WFDC10A: variants seen among roughly 807,000 people sequenced by gnomAD.
WFDC10A encodes WAP four-disulfide core domain protein 10A.
In WFDC10A, 2 loss-of-function variants were observed where a neutral mutation model predicts 2.6. That is an observed-to-expected ratio of 0.76 (90% CI 0.31 to 2.40). The LOEUF (loss-of-function observed/expected upper bound fraction) is 2.40, where lower values mean the gene tolerates loss of function less well. Among genes scored for constraint, WFDC10A ranks in the 30% most tolerant of loss-of-function variants. The pLI is 0.12. For missense variants in WFDC10A, 84 were observed against 91.8 expected (o/e 0.92, Z 0.35); for synonymous variants, 36 against 36.3 (o/e 0.99, Z 0.03).
intron 1 of WFDC10A, 131 bp from the exon 2 acceptor site, chr20:45,630,739 A>C (rs1982342597): frequency 9.9e-7 from 1 of 1,005,516 alleles, no homozygotes; most frequent in Non-Finnish European, 1.4e-6. Context: ...GCAGGAAGGT[A>C]GTTCTATGAA....
chr20:45,629,944 T>C, intron 1 of WFDC10A, 40 bp downstream of exon 1: 3 of 1,569,636 alleles, frequency 1.9e-6, no homozygotes, highest in Non-Finnish European at 2.6e-6. Flanking sequence ...GGGAATTGGG[T>C]AGGGGGAATG....
At chr20:45,629,975 A>T in intron 1 of WFDC10A, 71 bp downstream of exon 1, 1 of 1,571,130 alleles carries the variant, frequency 6.4e-7, no homozygotes, top group Non-Finnish European at 8.6e-7. Flanking sequence ...GTCCAGTCTG[A>T]GTAGGACCTA....
chr20:45,631,134 C>A lies in WFDC10A; in HGVS notation c.*116C>A. 3.3e-6 allele frequency: 4 copies of A among 1,227,452 alleles called. No homozygotes were observed. The highest frequency in any genetic ancestry group is 4.4e-6 in the Non-Finnish European group (4 of 913,456). 76.0% of individuals were successfully genotyped at this position (1,227,452 alleles called of 1,614,324 possible). Reference sequence around the variant, plus strand: ...CAGCATAAGAACATCAACAGGAATGCCGCCCTCTCTACTGTCTGAACCCCT... The same window carrying A: ...CAGCATAAGAACATCAACAGGAATGACGCCCTCTCTACTGTCTGAACCCCT... On this transcript the variant is annotated 3_prime_UTR_variant, in exon 2 of 2. Transcript: ENST00000372643.
Position 45,629,750 on chromosome 20 carries a change from A to G in WFDC10A, c.-64A>G. ...TCTTTCCTTCCTTCACTCTCCGTAGACAGCTCTGCAGGGAAGTCTGTGACA... is the reference window on the plus strand; with the variant it reads ...TCTTTCCTTCCTTCACTCTCCGTAGGCAGCTCTGCAGGGAAGTCTGTGACA... On this transcript the variant is annotated 5_prime_UTR_variant, in exon 1 of 2. Coordinates refer to ENST00000372643, the MANE Select transcript of WFDC10A (RefSeq NM_080753.3). 6.4e-7 allele frequency: 1 copy of G among 1,569,696 alleles called. No individual in the cohort carries two copies. Among genetic ancestry groups the G allele is most frequent in the Non-Finnish European group, 8.7e-7 (1 of 1,152,992 alleles).
Position 45,630,203 on chromosome 20 carries a change from A to C in WFDC10A, c.91+299A>C, listed in dbSNP as rs1982324609. 2.0e-5 allele frequency among the ~76,000 whole-genome samples: 3 copies of C among 151,366 alleles called. No individual in the cohort carries two copies. The South Asian group carries it at 6.3e-4, about 32-fold the overall frequency. On this transcript the variant is annotated intron_variant, in intron 1 of 1. Transcript: ENST00000372643. ...ACCAGGGCTGAGAATCCAGTGGGGA[A>C]AGCAAGACAATTATTATTTGATTTA...
At position 45,630,872 on chromosome 20, in the gene WFDC10A, ACACAGCTATCCC is replaced by A. The variant is rs768374638; in HGVS notation, c.97_108del (p.Gln33_Pro36del). The A allele has an allele frequency of 6.3e-7, 1 of 1,596,236 alleles. No individual in the cohort carries two copies. Among genetic ancestry groups the A allele is most frequent in the South Asian group, 1.1e-5 (1 of 88,334 alleles). On this transcript the variant is annotated inframe_deletion, in exon 2 of 2. Coordinates refer to ENST00000372643, the MANE Select transcript of WFDC10A (RefSeq NM_080753.3). ...TACCGTTCTATTCTCCTTGTCAGAA[ACACAGCTATCCC>A]CAGAAATCAAAGTCTGCCAGCAGCA...
intron 1 of WFDC10A, among the ~76,000 whole-genome samples, chr20:45,630,115 G>A (rs1982322359): frequency 6.6e-6 from 1 of 152,182 alleles, no homozygotes; most frequent in Admixed American, 6.5e-5. Context: ...GAAGAAACCT[G>A]CATATTTTGC....
chr20:45,630,595 T>C (rs1982339399), intron 1 of WFDC10A, among the ~76,000 whole-genome samples: 1 of 152,054 alleles, frequency 6.6e-6, no homozygotes, highest in African/African-American at 2.4e-5. Context: ...CCATGACTAG[T>C]AAGGGAGATG....
At position 45,631,057 on chromosome 20, in the gene WFDC10A, C is replaced by A. The variant is rs370860448; in HGVS notation, c.*39C>A. 9 of 1,559,850 alleles carry A rather than the reference C, an allele frequency of 5.8e-6. No homozygotes were observed. Among genetic ancestry groups the A allele is most frequent in the Non-Finnish European group, 7.8e-6 (9 of 1,154,806 alleles). Reference sequence around the variant, plus strand: ...CTGGGATGTGCATCCTGCTTCCCAACTCCTCTATCCAAGACTGTGCCCACA... The same window carrying A: ...CTGGGATGTGCATCCTGCTTCCCAAATCCTCTATCCAAGACTGTGCCCACA... On this transcript the variant is annotated 3_prime_UTR_variant, in exon 2 of 2. Coordinates refer to ENST00000372643, the MANE Select transcript of WFDC10A (RefSeq NM_080753.3).
chr20:45,629,913 T>C lies in WFDC10A; in HGVS notation c.91+9T>C, dbSNP rs776387253. On this transcript the variant is annotated intron_variant, in intron 1 of 1. Coordinates refer to ENST00000372643, the MANE Select transcript of WFDC10A (RefSeq NM_080753.3). ...CAAGAAGAGGATGCAGAGTAGGTGA[T>C]GGGCTGCTGGATGGGTGAGGGGGAA... is the stretch of plus-strand genomic sequence containing the variant. 5 of 1,612,666 alleles carry C rather than the reference T, an allele frequency of 3.1e-6. No individual in the cohort carries two copies. In the East Asian group the frequency reaches 8.9e-5, roughly 29 times the overall value.
Position 45,631,125 on chromosome 20 carries a change from A to G in WFDC10A, c.*107A>G. 7.6e-7 allele frequency: 1 copy of G among 1,310,988 alleles called. No individual in the cohort carries two copies. The highest frequency in any genetic ancestry group is 1.0e-6 in the Non-Finnish European group (1 of 982,174). The allele number at this position is 1,310,988 out of a possible 1,614,324, so 81.2% of individuals were successfully genotyped here. On this transcript the variant is annotated 3_prime_UTR_variant, in exon 2 of 2. Transcript: ENST00000372643. ...TCAAGTCACCAGCATAAGAACATCA[A>G]CAGGAATGCCGCCCTCTCTACTGTC...
intron 1 of WFDC10A, 87 bp downstream of exon 1, chr20:45,629,991 T>C (rs1982318092): frequency 1.3e-6 from 2 of 1,535,688 alleles, no homozygotes; most frequent in East Asian, 2.4e-5. Flanking sequence ...ACCTAGGAGT[T>C]GGAAACTCTC....
chr20:45,630,801 G>A (rs1161223611), intron 1 of WFDC10A, 69 bp from the exon 2 acceptor site: 1 of 1,480,652 alleles, frequency 6.8e-7, no homozygotes, highest in Non-Finnish European at 9.0e-7. Context: ...GGTCTTGGAG[G>A]AGGCTTCAGC....
chr20:45,630,920 T>G lies in WFDC10A; in HGVS notation c.142T>G (p.Tyr48Asp). 1.2e-6 allele frequency: 2 copies of G among 1,611,160 alleles called. No homozygotes were observed. Among genetic ancestry groups the G allele is most frequent in the Non-Finnish European group, 1.7e-6 (2 of 1,178,798 alleles). ...IKVCQQQPKL[Y>D]LCKHLCESHR... is the part of the protein sequence containing the mutation. ...AGTCTGCCAGCAGCAGCCTAAACTA[T>G]ATCTATGCAAACACTTATGTGAATC... Residue 48 changes from tyrosine (Y) to aspartate (D), a missense_variant, in exon 2 of 2, where the codon TAT becomes GAT. Coordinates refer to ENST00000372643, the MANE Select transcript of WFDC10A (RefSeq NM_080753.3).
Position 45,631,004 on chromosome 20 carries a change from A to G in WFDC10A, c.226A>G (p.Met76Val), listed in dbSNP as rs765516070. The part of the protein sequence containing the change: ...CCSTYCGNVC[M>V]SIL ...TTCTACCTACTGTGGGAATGTTTGC[A>G]TGAGCATCCTGTGAGTGGGAGAGTG... The change falls in exon 2 of 2, where the codon ATG becomes GTG. Residue 76 changes from methionine to valine, a missense_variant. By Grantham distance (21) the Met-to-Val change is conservative. Coordinates refer to ENST00000372643, the MANE Select transcript of WFDC10A (RefSeq NM_080753.3). 7.5e-6 allele frequency: 12 copies of G among 1,601,550 alleles called. No individual in the cohort carries two copies. The highest frequency in any genetic ancestry group is 1.3e-5 in the African/African-American group (1 of 74,208).
Position 45,631,071 on chromosome 20 carries a change from A to G in WFDC10A, c.*53A>G, listed in dbSNP as rs1243429478. Reference sequence around the variant, plus strand: ...CTGCTTCCCAACTCCTCTATCCAAGACTGTGCCCACATCCGAAGCACAAGG... The same window carrying G: ...CTGCTTCCCAACTCCTCTATCCAAGGCTGTGCCCACATCCGAAGCACAAGG... On this transcript the variant is annotated 3_prime_UTR_variant, in exon 2 of 2. Transcript: ENST00000372643. The G allele has an allele frequency of 3.1e-5, 47 of 1,498,754 alleles. No individual in the cohort carries two copies. Among genetic ancestry groups the G allele is most frequent in the Non-Finnish European group, 4.2e-5 (47 of 1,124,628 alleles). 92.8% of individuals were successfully genotyped at this position (1,498,754 alleles called of 1,614,324 possible). A position where few individuals can be genotyped will look rare whatever the true frequency, so the allele number is the denominator to read the frequency against.
At chr20:45,630,826 C>G in intron 1 of WFDC10A, 44 bp from the exon 2 acceptor site, 1 of 1,520,212 alleles carries the variant, frequency 6.6e-7, no homozygotes, top group South Asian at 1.3e-5. Context: ...GAAAAATGTT[C>G]TCTAGGAAAC....
chr20:45,631,026 A>T lies in WFDC10A; in HGVS notation c.*8A>T, dbSNP rs1471900169. On this transcript the variant is annotated 3_prime_UTR_variant, in exon 2 of 2. Transcript: ENST00000372643. ...TGCATGAGCATCCTGTGAGTGGGAG[A>T]GTGGGCTGGGATGTGCATCCTGCTT... The T allele has an allele frequency of 6.3e-7, 1 of 1,591,366 alleles. No homozygotes were observed. The highest frequency in any genetic ancestry group is 2.3e-5 in the East Asian group (1 of 44,246).
In WFDC10A at chr20:45,631,085, C is replaced by T. The variant is rs80157014; in HGVS notation, c.*67C>T. On this transcript the variant is annotated 3_prime_UTR_variant, in exon 2 of 2. Transcript: ENST00000372643. ...CTCTATCCAAGACTGTGCCCACATC[C>T]GAAGCACAAGGACCTCAAGTCACCA... The T allele has an allele frequency of 9.7e-4, 1,422 of 1,466,854 alleles. 14 individuals carry two copies. The African/African-American group carries it at 0.017, about 18-fold the overall frequency. 90.9% of individuals were successfully genotyped at this position (1,466,854 alleles called of 1,614,324 possible). A position where few individuals can be genotyped will look rare whatever the true frequency, so the allele number is the denominator to read the frequency against.
Sources: gnomAD v4.1 joint callset for allele counts (sites outside exome capture counted in the v4.1 genomes callset) on GRCh38, gnomAD v4.1.1 for gene constraint, MANE v1.5 for transcripts, NCBI Gene and HGNC (gene_info 2026-07-23, HGNC 2026-07-21) for gene names.